UHRF2: variants seen among roughly 807,000 people sequenced by gnomAD.
The protein encoded by UHRF2 is E3 ubiquitin-protein ligase UHRF2.
UHRF2 carries 23 observed loss-of-function variants against 96.8 expected under a neutral mutation model. The ratio of observed to expected loss-of-function variants is 0.24; its 90% CI spans 0.17 to 0.34. The LOEUF (loss-of-function observed/expected upper bound fraction) is 0.34, where lower values mean the gene tolerates loss of function less well. UHRF2 is among the 10% of genes least tolerant of loss of function. The pLI is 1.00. For missense variants in UHRF2, 685 were observed against 981.5 expected, an observed-to-expected ratio of 0.70 and a Z score of 4.04; for synonymous variants, 385 against 332.6, an observed-to-expected ratio of 1.16 and a Z score of -1.72.
chr9:6,483,266 A>AGT (rs1824035870), intron 8 of UHRF2, among the ~76,000 whole-genome samples: 1 of 147,642 alleles, frequency 6.8e-6, no homozygotes, highest in African/African-American at 2.5e-5. Context: ...CAGAGGTTGC[A>AGT]GTGAGCCGAG....
chr9:6,448,077 C>T (rs1009238564), intron 3 of UHRF2, among the ~76,000 whole-genome samples: 6 of 152,140 alleles, frequency 3.9e-5, no homozygotes, highest in Admixed American at 1.3e-4. Context: ...AAGCTGTGGA[C>T]CAGGCGTAAA....
intron 8 of UHRF2, chr9:6,484,649 T>G (rs1323268754): frequency 6.0e-5 from 9 of 151,116 alleles, no homozygotes; most frequent in Non-Finnish European, 1.3e-4. Context: ...TGGGGTCAAT[T>G]TCTCCTGCCT....
chr9:6,418,218 G>GT (rs998818909), intron 1 of UHRF2, among the ~76,000 whole-genome samples: 11 of 146,552 alleles, frequency 7.5e-5, no homozygotes, highest in South Asian at 2.2e-4. Context: ...GTTTTTTGGG[G>GT]TTTTTTTCCC....
intron 10 of UHRF2, chr9:6,496,282 T>C (rs1824961243): frequency 1.3e-5 from 2 of 152,198 alleles, no homozygotes; most frequent in African/African-American, 4.8e-5. Flanking sequence ...GTGTTCTCAG[T>C]GTTTTCTTTT....
chr9:6,464,204 C>A (rs532398451), intron 4 of UHRF2, among the ~76,000 whole-genome samples: 12 of 152,248 alleles, frequency 7.9e-5, no homozygotes, highest in Admixed American at 6.5e-4. Context: ...GGTTGAGAAT[C>A]TTTTCGTATT....
At chr9:6,470,647 T>A (rs1489936821) in intron 4 of UHRF2, among the ~76,000 whole-genome samples, 1 of 152,024 alleles carries the variant, frequency 6.6e-6, no homozygotes, top group Non-Finnish European at 1.5e-5. Flanking sequence ...AGAAAAAAAA[T>A]GCGTGACAAC....
At position 6,481,639 on chromosome 9, in the gene UHRF2, A is replaced by C; in HGVS notation, c.1161-4A>C. The C allele has an allele frequency of 6.2e-7, 1 of 1,605,942 alleles. No homozygotes were observed. ...ATGCCTTCGTTCTTTTTTTTCTTTT[A>C]AAGGTATTGTCCTTCTTGTAAAACT... is the stretch of plus-strand genomic sequence containing the variant. On this transcript the variant is annotated splice_region_variant and splice_polypyrimidine_tract_variant and intron_variant, in intron 6 of 15. Coordinates refer to ENST00000276893, the MANE Select transcript of UHRF2 (RefSeq NM_152896.3).
chr9:6,466,551 GAAAAAA>G (rs34552859), intron 4 of UHRF2, among the ~76,000 whole-genome samples: 162 of 110,980 alleles, frequency 1.5e-3, no homozygotes, highest in East Asian at 4.8e-3. Flanking sequence ...AAAAAAAAAG[GAAAAAA>G]AAAAAAAAAA....
At chr9:6,470,371 AAAAATTTCCCAACTT>A (rs1823170870) in intron 4 of UHRF2, among the ~76,000 whole-genome samples, 1 of 152,150 alleles carries the variant, frequency 6.6e-6, no homozygotes, top group Non-Finnish European at 1.5e-5. Context: ...AAAAAAAAAA[AAAAATTTCCCAACTT>A]AAAATATCTT....
chr9:6,427,209 AT>A (rs920565708), intron 2 of UHRF2, among the ~76,000 whole-genome samples: 3 of 151,472 alleles, frequency 2.0e-5, no homozygotes, highest in African/African-American at 4.8e-5. Flanking sequence ...CTTGGTAAAT[AT>A]TTTTTTTTAT....
intron 2 of UHRF2, among the ~76,000 whole-genome samples, chr9:6,427,533 A>G (rs1385465831): frequency 6.6e-6 from 1 of 152,136 alleles, no homozygotes; most frequent in Non-Finnish European, 1.5e-5. Context: ...CTGAAAATAA[A>G]AAAATTAGCT....
chr9:6,468,454 C>T (rs1823010748), intron 4 of UHRF2: 3 of 455,910 alleles, frequency 6.6e-6, no homozygotes, highest in Admixed American at 2.3e-5. Context: ...TCAAAGAGAA[C>T]CAACTGCGGG....
intron 9 of UHRF2, among the ~76,000 whole-genome samples, chr9:6,488,100 G>A (rs1824417480): frequency 6.6e-6 from 1 of 151,284 alleles, no homozygotes; most frequent in African/African-American, 2.4e-5. Flanking sequence ...GAAATTAGCT[G>A]GGTGTGGTGG....
rs191219867 is a variant in UHRF2, at chr9:6,503,434, A to G, written c.2164-1159A>G. The stretch of plus-strand genomic sequence containing the variant: ...AAAAAAAAAAACCAGCCAAGATGAA[A>G]TGGAGCCAGTAATGGCTTTTGAAGA... On this transcript the variant is annotated intron_variant, in intron 14 of 15. Transcript: ENST00000276893. Among the ~76,000 whole-genome samples the G allele has an allele frequency of 2.7e-4, 41 of 152,178 alleles. No homozygotes were observed. The East Asian group carries it at 7.1e-3, about 26-fold the overall frequency.
chr9:6,459,151 G>A (rs989493040), intron 3 of UHRF2, among the ~76,000 whole-genome samples: 1 of 152,114 alleles, frequency 6.6e-6, no homozygotes, highest in Non-Finnish European at 1.5e-5. Context: ...AACCACCGTG[G>A]CACCTGTATA....
chr9:6,432,816 G>A (rs10975589), intron 2 of UHRF2, among the ~76,000 whole-genome samples: 150,681 of 152,126 alleles, frequency 0.99, 74,634 homozygotes, highest in East Asian at 1. Context: ...TCTCTTGGTT[G>A]TTGTCCTAAA....
chr9:6,452,578 A>AGGTAGATTTTAACT (rs1471150958), intron 3 of UHRF2, among the ~76,000 whole-genome samples: 1 of 152,230 alleles, frequency 6.6e-6, no homozygotes, highest in Non-Finnish European at 1.5e-5. Flanking sequence ...AGTCTGAGAA[A>AGGTAGATTTTAACT]GGTAGATTTT....
chr9:6,417,381 A>G (rs1231999019), intron 1 of UHRF2, among the ~76,000 whole-genome samples: 1 of 152,164 alleles, frequency 6.6e-6, no homozygotes, highest in Non-Finnish European at 1.5e-5. Context: ...TGATGGACCT[A>G]AGTTACATGC....
chr9:6,453,098 G>A (rs1821967981), intron 3 of UHRF2, among the ~76,000 whole-genome samples: 1 of 152,074 alleles, frequency 6.6e-6, no homozygotes, highest in Non-Finnish European at 1.5e-5. Context: ...GTATGTGTAT[G>A]AGTACAGATA....
Sources: allele counts gnomAD v4.1 joint callset (sites outside exome capture counted in the v4.1 genomes callset), GRCh38; gene constraint gnomAD v4.1.1; transcripts MANE v1.5; gene names NCBI Gene and HGNC (gene_info 2026-07-23, HGNC 2026-07-21).